The following ZFAT variants were observed in gnomAD, a reference collection of about 807,000 sequenced individuals.
ZFAT encodes the protein zinc finger and AT-hook domain containing, also known as zinc finger protein ZFAT.
Under a neutral mutation model 117.7 loss-of-function variants are expected in ZFAT, and 64 were observed. That is an observed-to-expected ratio of 0.54 (90% CI 0.44 to 0.67). The LOEUF (loss-of-function observed/expected upper bound fraction) is 0.67, where lower values mean the gene tolerates loss of function less well. Ranked by LOEUF, ZFAT falls within the 30% of genes least tolerant of loss-of-function variation. ZFAT has a pLI of 0.00. For missense variants in ZFAT, 1,433 were observed against 1,584.5 expected, an observed-to-expected ratio of 0.90 and a Z score of 1.62; for synonymous variants, 679 against 615.0, an observed-to-expected ratio of 1.10 and a Z score of -1.54.
intron 2 of ZFAT, among the ~76,000 whole-genome samples, chr8:134,655,659 G>GA (rs1054172466): frequency 2.6e-5 from 4 of 151,574 alleles, no homozygotes; most frequent in Non-Finnish European, 4.4e-5. Flanking sequence ...AAAAGAAAAT[G>GA]AAAAAAATAA....
In ZFAT at chr8:134,602,178, T is replaced by TC; in HGVS notation, c.1540dup (p.Asp514GlyfsTer63). 1.2e-6 allele frequency: 2 copies of TC among 1,613,210 alleles called. No homozygotes were observed. The highest frequency in any genetic ancestry group is 1.7e-6 in the Non-Finnish European group (2 of 1,179,982). ...CTCCTCTTCCACCAGCTGTAGCTGGTCCCCCAGAGCTTCTTGCTGGATGTC... is the reference window on the plus strand; with the variant it reads ...CTCCTCTTCCACCAGCTGTAGCTGGTCCCCCCAGAGCTTCTTGCTGGATGTC... On this transcript the variant is annotated frameshift_variant, in exon 6 of 16. Coordinates refer to ENST00000377838, the MANE Select transcript of ZFAT (RefSeq NM_020863.4). LOFTEE classifies it high-confidence loss of function.
intron 11 of ZFAT, among the ~76,000 whole-genome samples, chr8:134,550,882 G>A (rs1586691880): frequency 6.6e-6 from 1 of 152,008 alleles, no homozygotes; most frequent in East Asian, 2.0e-4. Flanking sequence ...AGAAAACCAT[G>A]TGTAATCTCA....
chr8:134,744,914 G>A, the ZFAT span, among the ~76,000 whole-genome samples: 5 of 151,082 alleles, frequency 3.3e-5, no homozygotes, highest in South Asian at 8.4e-4. Context: ...TATTTTTAGT[G>A]GAGATGGGGT....
In ZFAT at chr8:134,712,887, A is replaced by G; in HGVS notation, c.-24T>C. 3 of 1,508,992 alleles carry G rather than the reference A, an allele frequency of 2.0e-6. No homozygotes were observed. Among genetic ancestry groups the G allele is most frequent in the African/African-American group, 1.4e-5 (1 of 69,356 alleles). 93.5% of individuals were successfully genotyped at this position (1,508,992 alleles called of 1,614,324 possible). A position where few individuals can be genotyped will look rare whatever the true frequency, so the allele number is the denominator to read the frequency against. Reference sequence around the variant, plus strand: ...ATGGCAACGCCCCACCGCGGAGGAAAAAAAAGCCTCGGGCTCTTCCGGGCC... The same window carrying G: ...ATGGCAACGCCCCACCGCGGAGGAAGAAAAAGCCTCGGGCTCTTCCGGGCC... On this transcript the variant is annotated 5_prime_UTR_variant, in exon 1 of 16. Coordinates refer to ENST00000377838, the MANE Select transcript of ZFAT (RefSeq NM_020863.4).
chr8:134,651,630 T>C (rs564190169), intron 2 of ZFAT, among the ~76,000 whole-genome samples: 8 of 152,090 alleles, frequency 5.3e-5, no homozygotes, highest in Non-Finnish European at 8.8e-5. Context: ...CAGCACAAGA[T>C]AAAAGCAAAG....
chr8:134,544,197 G>C (rs1259691342), intron 11 of ZFAT, among the ~76,000 whole-genome samples: 1 of 152,156 alleles, frequency 6.6e-6, no homozygotes, highest in Non-Finnish European at 1.5e-5. Flanking sequence ...ACTGCCACCT[G>C]CCTCTCCAGG....
intron 1 of ZFAT, among the ~76,000 whole-genome samples, chr8:134,700,241 T>C (rs951748193): frequency 6.6e-6 from 1 of 152,250 alleles, no homozygotes; most frequent in Admixed American, 6.5e-5. Flanking sequence ...AACTATCACA[T>C]TGTTGGTCTA....
At chr8:134,742,421 C>G in the ZFAT span, among the ~76,000 whole-genome samples, 1 of 152,220 alleles carries the variant, frequency 6.6e-6, no homozygotes, top group Admixed American at 6.5e-5. Context: ...CCCCTCCTCT[C>G]TCCCATCTCA....
chr8:134,545,098 A>G (rs1375732754), intron 11 of ZFAT, among the ~76,000 whole-genome samples: 1 of 152,258 alleles, frequency 6.6e-6, no homozygotes, highest in Non-Finnish European at 1.5e-5. Context: ...CTAGGTTCAC[A>G]TGGTGGACTC....
intron 3 of ZFAT, among the ~76,000 whole-genome samples, chr8:134,624,328 T>TA (rs1829346626): frequency 1.3e-5 from 2 of 152,294 alleles, no homozygotes; most frequent in South Asian, 4.1e-4. Context: ...GTTCTTTGTT[T>TA]ACCATCCCAC....
At chr8:134,773,984 A>ATTTTTTTT in the ZFAT span, among the ~76,000 whole-genome samples, 270 of 103,272 alleles carry the variant, frequency 2.6e-3, 11 homozygotes, top group African/African-American at 0.01. Context: ...TTGAGGATTA[A>ATTTTTTTT]TTTTTTTTTT....
chr8:134,497,712 A>G lies in ZFAT; in HGVS notation c.3492+11907T>C, dbSNP rs2012634. 8.2e-3 allele frequency among the ~76,000 whole-genome samples: 336 copies of G among 40,828 alleles called. 36 individuals are homozygous for G. The highest frequency in any genetic ancestry group is 0.013 in the Middle Eastern group (1 of 76). 26.8% of individuals were successfully genotyped at this position (40,828 alleles called of 152,430 possible). ...TGCCCCCGCTGCTGGTTACACACAC[A>G]GCCTGATTTGGTAGGGTTGGGGTGG... On this transcript the variant is annotated intron_variant, in intron 15 of 15. Transcript: ENST00000377838.
chr8:134,825,507 T>C, the ZFAT span, among the ~76,000 whole-genome samples: 5 of 152,236 alleles, frequency 3.3e-5, no homozygotes, highest in African/African-American at 1.2e-4. Flanking sequence ...GGATCTCAGA[T>C]AGTTATTTCT....
chr8:134,497,426 T>G (rs1465105832), intron 15 of ZFAT, among the ~76,000 whole-genome samples: 1 of 151,070 alleles, frequency 6.6e-6, no homozygotes, highest in Non-Finnish European at 1.5e-5. Context: ...AGAGCCTGAT[T>G]TGGTAGGGTT....
At chr8:134,629,814 A>C (rs1829763005) in intron 3 of ZFAT, among the ~76,000 whole-genome samples, 1 of 152,238 alleles carries the variant, frequency 6.6e-6, no homozygotes, top group South Asian at 2.1e-4. Flanking sequence ...AGTCTCAGGT[A>C]GTTCTTTATA....
the ZFAT span, among the ~76,000 whole-genome samples, chr8:134,738,420 C>T: frequency 6.6e-6 from 1 of 152,282 alleles, no homozygotes; most frequent in Non-Finnish European, 1.5e-5. Flanking sequence ...GCTTGTGAGG[C>T]TTAGCTTTTC....
intron 3 of ZFAT, among the ~76,000 whole-genome samples, chr8:134,615,871 G>A (rs1479151805): frequency 1.3e-5 from 2 of 152,358 alleles, no homozygotes; most frequent in East Asian, 1.9e-4. Context: ...CCTTGAAAAT[G>A]GTTCTTGGAG....
At chr8:134,506,191 C>T (rs554758420) in intron 15 of ZFAT, among the ~76,000 whole-genome samples, 36 of 152,238 alleles carry the variant, frequency 2.4e-4, no homozygotes, top group African/African-American at 8.7e-4. Context: ...TACAAATTTC[C>T]TCCTCATAAA....
intron 10 of ZFAT, among the ~76,000 whole-genome samples, chr8:134,578,459 T>C (rs1052693581): frequency 9.1e-5 from 13 of 143,488 alleles, no homozygotes; most frequent in African/African-American, 3.1e-4. Flanking sequence ...TGTGGAGAGA[T>C]GCTAGCTGGG....
Sources: allele counts gnomAD v4.1 joint callset (sites outside exome capture counted in the v4.1 genomes callset), GRCh38; gene constraint gnomAD v4.1.1; transcripts MANE v1.5; gene names NCBI Gene and HGNC (gene_info 2026-07-23, HGNC 2026-07-21).